The following HEG1 variants were observed in gnomAD, a reference collection of about 807,000 sequenced individuals.
HEG1 encodes protein HEG homolog 1.
A neutral mutation model predicts 125.6 loss-of-function variants in HEG1; 56 were observed. That is an observed-to-expected ratio of 0.45 (90% confidence interval 0.36 to 0.56). HEG1 has a LOEUF of 0.56. HEG1 is among the 20% of genes least tolerant of loss of function. HEG1 has a pLI of 0.00. For synonymous variants in HEG1, 644 were observed against 668.5 expected (o/e 0.96, Z 0.57); for missense variants, 1,523 against 1,670.0 (o/e 0.91, Z 1.53).
At chr3:125,047,376 A>G (rs1309146596) in intron 1 of HEG1, among the ~76,000 whole-genome samples, 22 of 152,200 alleles carry the variant, frequency 1.4e-4, no homozygotes, top group Admixed American at 1.4e-3. Flanking sequence ...GCACCTCTCC[A>G]TTCTGCGCAG....
rs1937178685 is a variant in HEG1, at chr3:125,012,952, G to A, written c.2627C>T (p.Thr876Ile). The A allele has an allele frequency of 6.2e-7, 1 of 1,613,948 alleles. No individual in the cohort carries two copies. The highest frequency in any genetic ancestry group is 8.5e-7 in the Non-Finnish European group (1 of 1,179,908). Reference protein sequence around the residue: ...LVTGPIAVQTTAGKQLSLTHP... With the variant: ...LVTGPIAVQTIAGKQLSLTHP... Reference sequence around the variant, plus strand: ...GGTCAGCGAGAGCTGTTTTCCAGCTGTAGTCTGTACGGCTATAGGGCCAGT... The same window carrying A: ...GGTCAGCGAGAGCTGTTTTCCAGCTATAGTCTGTACGGCTATAGGGCCAGT... Residue 876 changes from threonine (T) to isoleucine (I), a missense_variant, in exon 6 of 17, where the codon ACA becomes ATA. Transcript: ENST00000311127.
rs1174127987 is a variant in HEG1, at chr3:124,997,678, G to A, written c.3652+11C>T. 1 of 1,563,094 alleles carries A rather than the reference G, an allele frequency of 6.4e-7. No individual in the cohort carries two copies. The highest frequency in any genetic ancestry group is 8.7e-7 in the Non-Finnish European group (1 of 1,148,746). ...GACTGGGCACAGAACCCCAGGCGAA[G>A]CTGTGGCTACCTCGGCAGGAGTGGT... On this transcript the variant is annotated intron_variant, in intron 12 of 16. Transcript: ENST00000311127.
Position 124,985,654 on chromosome 3 carries a change from TG to T in HEG1, c.3733+5132del, listed in dbSNP as rs573059416. 4.4e-4 allele frequency among the ~76,000 whole-genome samples: 67 copies of T among 152,318 alleles called. No individual in the cohort carries two copies. The South Asian group carries it at 0.012, about 27-fold the overall frequency. On this transcript the variant is annotated intron_variant, in intron 14 of 16. Transcript: ENST00000311127. ...GATATAAACAGAGAGATATTTTACG[TG>T]TTTAAAAAATTAAAAGGAGAGCTGT...
rs576093679 is a variant in HEG1, at chr3:124,973,185, C to A, written c.3996+546G>T. 2.6e-5 allele frequency among the ~76,000 whole-genome samples: 4 copies of A among 152,084 alleles called. No individual in the cohort carries two copies. The South Asian group carries it at 8.3e-4, about 32-fold the overall frequency. The stretch of plus-strand genomic sequence containing the variant: ...CACAGGCGAGCACCACCATGCCAGG[C>A]TAATTTTTTGTAGAGAGGAGCACGG... On this transcript the variant is annotated intron_variant, in intron 16 of 16. Coordinates refer to ENST00000311127, the MANE Select transcript of HEG1 (RefSeq NM_020733.2).
intron 1 of HEG1, among the ~76,000 whole-genome samples, chr3:125,032,985 C>A (rs936803089): frequency 6.6e-6 from 1 of 152,126 alleles, no homozygotes; most frequent in Admixed American, 6.5e-5. Flanking sequence ...TGGCCACATG[C>A]AGACAGGGCA....
intron 14 of HEG1, among the ~76,000 whole-genome samples, chr3:124,978,676 T>C (rs1305613029): frequency 6.6e-6 from 1 of 152,132 alleles, no homozygotes; most frequent in Non-Finnish European, 1.5e-5. Flanking sequence ...TTATCATGTG[T>C]AAATTATGCC....
At chr3:125,014,652 T>C in intron 5 of HEG1, 1 of 1,179,474 alleles carries the variant, frequency 8.5e-7, no homozygotes, top group Non-Finnish European at 1.1e-6. Context: ...CCCAGGACGG[T>C]GAGTAAATTA....
chr3:125,019,574 T>C lies in HEG1; in HGVS notation c.1276A>G (p.Ser426Gly). 1.9e-6 allele frequency: 3 copies of C among 1,605,040 alleles called. No homozygotes were observed. Among genetic ancestry groups the C allele is most frequent in the Non-Finnish European group, 1.7e-6 (2 of 1,172,258 alleles). ...CTTCCATTTTGCACCTCAGAGCTGC[T>C]GGCAAGCTGATGTTCTCCAAAGGCT... ...SPTFGEHQLA[S>G]SSEVQNGSPM... The change falls in exon 5 of 17, where the codon AGC becomes GGC. Residue 426 changes from serine to glycine, a missense_variant. Ser to Gly is a moderately conservative substitution (Grantham distance 56). Coordinates refer to ENST00000311127, the MANE Select transcript of HEG1 (RefSeq NM_020733.2).
At chr3:124,990,381 C>T (rs1168512753) in intron 14 of HEG1, among the ~76,000 whole-genome samples, 17 of 151,506 alleles carry the variant, frequency 1.1e-4, no homozygotes, top group Admixed American at 1.1e-3. Flanking sequence ...CTCTGTAACC[C>T]AGGCTGAAGT....
intron 10 of HEG1, 97 bp downstream of exon 10, chr3:125,002,160 G>C (rs1579410098): frequency 6.7e-7 from 1 of 1,494,354 alleles, no homozygotes; most frequent in Non-Finnish European, 9.3e-7. Context: ...CCCCATGGCT[G>C]GGTGAAAACA....
In HEG1 at chr3:124,970,480, C is replaced by T; in HGVS notation, c.*172G>A. The T allele has an allele frequency of 1.7e-6, 1 of 596,886 alleles. No homozygotes were observed. The highest frequency in any genetic ancestry group is 3.0e-6 in the Non-Finnish European group (1 of 336,654). 37.0% of individuals were successfully genotyped at this position (596,886 alleles called of 1,614,324 possible). A position where few individuals can be genotyped will look rare whatever the true frequency, so the allele number is the denominator to read the frequency against. ...GGTGCTGAATGAGCAGCCTGTGGTT[C>T]CACATCCACCTGTCTCCTCCACTGT... On this transcript the variant is annotated 3_prime_UTR_variant, in exon 17 of 17. Coordinates refer to ENST00000311127, the MANE Select transcript of HEG1 (RefSeq NM_020733.2).
chr3:125,022,692 AAAAG>A (rs940999271), intron 3 of HEG1, among the ~76,000 whole-genome samples: 15 of 112,668 alleles, frequency 1.3e-4, no homozygotes, highest in South Asian at 3.3e-4. Flanking sequence ...ATTAAAAAAA[AAAAG>A]AAATAAATAA....
At chr3:124,972,345 T>A (rs537853220) in intron 16 of HEG1, among the ~76,000 whole-genome samples, 1 of 152,216 alleles carries the variant, frequency 6.6e-6, no homozygotes, top group East Asian at 1.9e-4. Flanking sequence ...AAAAGGACTT[T>A]CCTGATAAAC....
At position 125,036,964 on chromosome 3, in the gene HEG1, G is replaced by A. The variant is rs1937553262; in HGVS notation, c.317-7476C>T. ...TCCATTTCTGGAAATCAGTTCTAAG[G>A]AAATTATTAGGAAGGGTGCAAAGTT... On this transcript the variant is annotated intron_variant, in intron 1 of 16. Transcript: ENST00000311127. Among the ~76,000 whole-genome samples the A allele has an allele frequency of 2.0e-5, 3 of 152,200 alleles. No individual in the cohort carries two copies. In the South Asian group the frequency reaches 6.2e-4, roughly 32 times the overall value.
chr3:124,973,033 T>C (rs941196947), intron 16 of HEG1, among the ~76,000 whole-genome samples: 3 of 151,724 alleles, frequency 2.0e-5, no homozygotes, highest in Non-Finnish European at 4.4e-5. Flanking sequence ...ATTATTATTA[T>C]TATTTTGAGA....
At chr3:125,039,849 A>AAC (rs57160718) in intron 1 of HEG1, among the ~76,000 whole-genome samples, 3 of 135,890 alleles carry the variant, frequency 2.2e-5, no homozygotes, top group Non-Finnish European at 4.7e-5. Context: ...AAAAAAAAAA[A>AAC]CAACAAAAAA....
chr3:125,039,855 A>C (rs1054886572), intron 1 of HEG1, among the ~76,000 whole-genome samples: 1 of 151,284 alleles, frequency 6.6e-6, no homozygotes. Context: ...AAAAACAACA[A>C]AAAAAAACAA....
At chr3:125,030,770 G>A (rs1337676072) in intron 1 of HEG1, among the ~76,000 whole-genome samples, 1 of 152,112 alleles carries the variant, frequency 6.6e-6, no homozygotes, top group Non-Finnish European at 1.5e-5. Flanking sequence ...GAGGGTGGGG[G>A]AGGTCATGCA....
chr3:125,030,034 G>C (rs1488611083), intron 1 of HEG1, among the ~76,000 whole-genome samples: 1 of 152,152 alleles, frequency 6.6e-6, no homozygotes, highest in East Asian at 1.9e-4. Flanking sequence ...TTGATAGAAA[G>C]AGATCAACAT....
Sources: gnomAD v4.1 joint callset for allele counts (sites outside exome capture counted in the v4.1 genomes callset) on GRCh38, gnomAD v4.1.1 for gene constraint, MANE v1.5 for transcripts, NCBI Gene and HGNC (gene_info 2026-07-23, HGNC 2026-07-21) for gene names.